The following LPAR1 variants were observed in gnomAD, a reference collection of about 807,000 sequenced individuals.
The protein encoded by LPAR1 is lysophosphatidic acid receptor 1, also known as LPA receptor 1.
Under a neutral mutation model 23.8 loss-of-function variants are expected in LPAR1, and 5 were observed. That is an observed-to-expected ratio of 0.21 (90% CI 0.11 to 0.44). The LOEUF (loss-of-function observed/expected upper bound fraction) is 0.44. Ranked by LOEUF, LPAR1 falls within the 20% of genes least tolerant of loss-of-function variation. The pLI is 0.99. For missense variants in LPAR1, 311 were observed against 482.8 expected, an observed-to-expected ratio of 0.64 and a Z score of 3.33; for synonymous variants, 160 against 164.7, an observed-to-expected ratio of 0.97 and a Z score of 0.22.
At chr9:110,980,355 T>C (rs2096641934) in intron 2 of LPAR1, among the ~76,000 whole-genome samples, 2 of 152,006 alleles carry the variant, frequency 1.3e-5, no homozygotes, top group Non-Finnish European at 2.9e-5. Flanking sequence ...CCAAAACAAC[T>C]GAAAGTGGTA....
At chr9:110,918,504 T>C (rs958841229) in intron 5 of LPAR1, among the ~76,000 whole-genome samples, 12 of 152,140 alleles carry the variant, frequency 7.9e-5, no homozygotes, top group African/African-American at 2.9e-4. Flanking sequence ...GATTACATCA[T>C]GATTATGTGT....
chr9:110,903,860 T>G (rs1341309849), intron 5 of LPAR1, among the ~76,000 whole-genome samples: 2 of 97,098 alleles, frequency 2.1e-5, no homozygotes, highest in Non-Finnish European at 4.0e-5. Flanking sequence ...ATTTCATAAT[T>G]AAAATTTTGA....
intron 2 of LPAR1, among the ~76,000 whole-genome samples, chr9:111,000,277 A>C (rs1289190670): frequency 6.6e-6 from 1 of 152,214 alleles, no homozygotes; most frequent in Admixed American, 6.5e-5. Context: ...GGAGAACAGT[A>C]GTCCAGTTCT....
intron 2 of LPAR1, among the ~76,000 whole-genome samples, chr9:110,976,278 G>C (rs2096551443): frequency 1.3e-5 from 2 of 150,560 alleles, no homozygotes; most frequent in South Asian, 4.2e-4. Context: ...GGATCATGAG[G>C]TCAGGAGTTC....
chr9:110,960,458 C>T (rs937493695), intron 4 of LPAR1, among the ~76,000 whole-genome samples: 5 of 152,086 alleles, frequency 3.3e-5, no homozygotes, highest in Non-Finnish European at 5.9e-5. Context: ...AAAGAGGAGG[C>T]TAATGGAATT....
At chr9:110,881,614 T>C (rs530188188) in intron 5 of LPAR1, among the ~76,000 whole-genome samples, 3 of 152,310 alleles carry the variant, frequency 2.0e-5, no homozygotes, top group South Asian at 2.1e-4. Flanking sequence ...ATGACTTGAA[T>C]GCTAGTGCCA....
chr9:110,929,202 G>A (rs1286630226), intron 5 of LPAR1, among the ~76,000 whole-genome samples: 1 of 152,088 alleles, frequency 6.6e-6, no homozygotes, highest in Non-Finnish European at 1.5e-5. Context: ...ATGGGTGCAG[G>A]AGCCCTGCCA....
chr9:110,894,290 C>G (rs965010289), intron 5 of LPAR1, among the ~76,000 whole-genome samples: 2 of 152,164 alleles, frequency 1.3e-5, no homozygotes, highest in African/African-American at 2.4e-5. Flanking sequence ...GACCTGAGGT[C>G]AGATACTGTT....
chr9:111,019,673 TA>T (rs1310419023), intron 2 of LPAR1, among the ~76,000 whole-genome samples: 37 of 144,074 alleles, frequency 2.6e-4, no homozygotes, highest in Admixed American at 3.5e-4. Flanking sequence ...CCGTCTCTAC[TA>T]AAAAAAAAAA....
At position 110,941,374 on chromosome 9, in the gene LPAR1, A is replaced by G. The variant is rs1363162024; in HGVS notation, c.793+47T>C. ...GACATAAAATAATGTGGTTTATGTTAGTCACTGAGAATCTATAAAGTAAGT... is the reference window on the plus strand; with the variant it reads ...GACATAAAATAATGTGGTTTATGTTGGTCACTGAGAATCTATAAAGTAAGT... On this transcript the variant is annotated intron_variant, in intron 5 of 5. Coordinates refer to ENST00000683809, the MANE Select transcript of LPAR1 (RefSeq NM_001351411.2). The surrounding 1 kb of genome is among the most constrained non-coding windows in gnomAD (Gnocchi z 6.1). 1 of 1,514,528 alleles carries G rather than the reference A, an allele frequency of 6.6e-7. No individual in the cohort carries two copies. The highest frequency in any genetic ancestry group is 8.9e-7 in the Non-Finnish European group (1 of 1,122,870). The allele number at this position is 1,514,528 out of a possible 1,614,324, so 93.8% of individuals were successfully genotyped here.
chr9:110,980,710 T>C (rs1007535148), intron 2 of LPAR1, among the ~76,000 whole-genome samples: 3 of 151,952 alleles, frequency 2.0e-5, no homozygotes, highest in Non-Finnish European at 4.4e-5. Flanking sequence ...TAGTGTTCTA[T>C]AGATCTGAAG....
intron 5 of LPAR1, 60 bp from the exon 6 acceptor site, chr9:110,875,782 A>G: frequency 2.2e-6 from 2 of 922,210 alleles, no homozygotes; most frequent in East Asian, 2.7e-5. Flanking sequence ...AAAATATTAT[A>G]AAACATGCGA....
intron 4 of LPAR1, among the ~76,000 whole-genome samples, chr9:110,944,289 C>A (rs1436775135): frequency 6.6e-6 from 1 of 152,148 alleles, no homozygotes; most frequent in Non-Finnish European, 1.5e-5. Flanking sequence ...CTATGAAACC[C>A]TATAAACGCA....
intron 5 of LPAR1, among the ~76,000 whole-genome samples, chr9:110,918,608 G>A (rs1464985292): frequency 1.3e-5 from 2 of 152,118 alleles, no homozygotes; most frequent in South Asian, 2.1e-4. Context: ...TCAGGTTAGA[G>A]ATGCAGCATT....
rs921708870 is a variant in LPAR1 at position 111,021,708 on chromosome 9, C to A, written c.-182+14414G>T. On this transcript the variant is annotated intron_variant, in intron 2 of 5. Coordinates refer to ENST00000683809, the MANE Select transcript of LPAR1 (RefSeq NM_001351411.2). ...AGTTGCCGTGGCTCACGCCTGTAAT[C>A]CCAACACTTTGGGAGGCCCAGGTGG... Among the ~76,000 whole-genome samples the A allele has an allele frequency of 3.9e-5, 6 of 152,252 alleles. No homozygotes were observed. The East Asian group carries it at 9.7e-4, about 24-fold the overall frequency.
intron 5 of LPAR1, among the ~76,000 whole-genome samples, chr9:110,925,544 T>A (rs1344910863): frequency 2.0e-5 from 3 of 152,126 alleles, no homozygotes; most frequent in Non-Finnish European, 4.4e-5. Flanking sequence ...ACGAGTGGAA[T>A]CCCCATATAG....
intron 2 of LPAR1, among the ~76,000 whole-genome samples, chr9:110,993,068 C>T (rs372266951): frequency 6.6e-6 from 1 of 152,096 alleles, no homozygotes; most frequent in African/African-American, 2.4e-5. Context: ...ATTTAAAGAA[C>T]ATTCTCCTTA....
At chr9:110,910,483 G>C (rs1162073518) in intron 5 of LPAR1, among the ~76,000 whole-genome samples, 1 of 152,142 alleles carries the variant, frequency 6.6e-6, no homozygotes, top group Non-Finnish European at 1.5e-5. Context: ...TATTAATGTT[G>C]TGTTCATGAC....
At chr9:110,910,686 T>C (rs973712735) in intron 5 of LPAR1, among the ~76,000 whole-genome samples, 2 of 152,182 alleles carry the variant, frequency 1.3e-5, no homozygotes, top group African/African-American at 4.8e-5. Context: ...ACATCCATGA[T>C]TCATAGTAGG....
Sources: allele counts gnomAD v4.1 joint callset (sites outside exome capture counted in the v4.1 genomes callset), GRCh38; gene constraint gnomAD v4.1.1; non-coding constraint Gnocchi (gnomAD v3.1); transcripts MANE v1.5; gene names NCBI Gene and HGNC (gene_info 2026-07-23, HGNC 2026-07-21).